The following ACACA variants were observed in gnomAD, a reference collection of about 807,000 sequenced individuals.
ACACA encodes acetyl-CoA carboxylase alpha, also known as acetyl-CoA carboxylase 1.
ACACA carries 103 observed loss-of-function variants against 296.1 expected under a neutral mutation model. That is an observed-to-expected ratio of 0.35 (90% CI 0.30 to 0.41). The LOEUF (loss-of-function observed/expected upper bound fraction) is 0.41. Ranked by LOEUF, ACACA falls within the 10% of genes least tolerant of loss-of-function variation. The pLI is 1.00. For synonymous variants in ACACA, 953 were observed against 1,038.6 expected, an observed-to-expected ratio of 0.92 and a Z score of 1.58; for missense variants, 1,554 against 2,989.7, an observed-to-expected ratio of 0.52 and a Z score of 11.20.
chr17:37,262,277 G>A lies in ACACA; in HGVS notation c.1329+1408C>T, dbSNP rs137906700. Among the ~76,000 whole-genome samples, 412 of 152,272 alleles carry A rather than the reference G, an allele frequency of 2.7e-3. 2 individuals carry two copies. Among genetic ancestry groups the A allele is most frequent in the Middle Eastern group, 0.01 (3 of 294 alleles). On this transcript the variant is annotated intron_variant, in intron 11 of 55. Transcript: ENST00000616317. The stretch of plus-strand genomic sequence containing the variant: ...AACATCCTTTGTGCTAGGTATAATT[G>A]TGTAACTGAATTTTGTCCAGTGGAA...
chr17:37,259,974 C>T (rs562099003), intron 11 of ACACA, among the ~76,000 whole-genome samples: 6 of 150,872 alleles, frequency 4.0e-5, no homozygotes, highest in East Asian at 3.9e-4. Context: ...CTCTGCCTCC[C>T]GGGTTCAAGT....
At chr17:37,119,895 C>T (rs1301599782) in intron 50 of ACACA, among the ~76,000 whole-genome samples, 21 of 134,418 alleles carry the variant, frequency 1.6e-4, no homozygotes, top group African/African-American at 4.9e-4. Context: ...TTCTTTCTTT[C>T]TTTTTTTTTT....
At chr17:37,268,713 ATATCTATCTATCTATC>A (rs1187101546) in intron 10 of ACACA, among the ~76,000 whole-genome samples, 4,179 of 135,440 alleles carry the variant, frequency 0.031, 116 homozygotes, top group African/African-American at 0.055. Flanking sequence ...ATCTATATCT[ATATCTATCTATCTATC>A]TATCTATCTA....
chr17:37,104,140 A>G (rs2073530745), intron 52 of ACACA, among the ~76,000 whole-genome samples: 2 of 152,308 alleles, frequency 1.3e-5, no homozygotes, highest in East Asian at 1.9e-4. Context: ...TGTAAAAAAA[A>G]TCTCGTAATG....
chr17:37,248,500 C>G (rs2080823931), intron 17 of ACACA, 93 bp downstream of exon 17: 1 of 935,984 alleles, frequency 1.1e-6, no homozygotes, highest in African/African-American at 1.6e-5. Context: ...ATACCCCCAT[C>G]CCTGCATTAA....
At chr17:37,087,463 TGAA>T in intron 55 of ACACA, 24 bp from the exon 56 acceptor site, 1 of 1,613,654 alleles carries the variant, frequency 6.2e-7, no homozygotes, top group Non-Finnish European at 8.5e-7. Context: ...TTGAGAATGG[TGAA>T]GAAAAGAGAA....
rs539900615 is a variant in ACACA, at chr17:37,206,648, T to C, written c.3948+135A>G. 5.5e-6 allele frequency: 4 copies of C among 726,122 alleles called. No homozygotes were observed. The East Asian group carries it at 8.1e-5, about 15-fold the overall frequency. The allele number at this position is 726,122 out of a possible 1,614,324, so 45.0% of individuals were successfully genotyped here. Reference sequence around the variant, plus strand: ...TTCCAGAAAATACTTTGGTGAGGCATACAAAATTAAATACTATAAAGTGGG... The same window carrying C: ...TTCCAGAAAATACTTTGGTGAGGCACACAAAATTAAATACTATAAAGTGGG... On this transcript the variant is annotated intron_variant, in intron 32 of 55. Transcript: ENST00000616317.
At chr17:37,135,912 CT>C (rs746761290) in intron 45 of ACACA, among the ~76,000 whole-genome samples, 2,020 of 137,566 alleles carry the variant, frequency 0.015, 27 homozygotes, top group African/African-American at 0.04. Flanking sequence ...AACAGGAATT[CT>C]TTTTTTTTTT....
At chr17:37,289,675 G>T (rs1434540138) in intron 3 of ACACA, 1 of 461,844 alleles carries the variant, frequency 2.2e-6, no homozygotes, top group African/African-American at 2.0e-5. Context: ...ATTACAGCTT[G>T]GCTTTCTCAA....
At chr17:37,199,825 TA>T (rs10562354) in intron 35 of ACACA, among the ~76,000 whole-genome samples, 66 of 147,712 alleles carry the variant, frequency 4.5e-4, no homozygotes, top group South Asian at 6.4e-4. Context: ...ATTATAGGGT[TA>T]AAAAAAAAAA....
chr17:37,274,087 C>A, intron 9 of ACACA, 106 bp downstream of exon 9: 2 of 922,642 alleles, frequency 2.2e-6, no homozygotes, highest in South Asian at 1.3e-5. Flanking sequence ...GTCTTACATC[C>A]CTAACACCAC....
At chr17:37,184,702 A>G (rs1260177317) in intron 39 of ACACA, among the ~76,000 whole-genome samples, 2 of 151,988 alleles carry the variant, frequency 1.3e-5, no homozygotes. Flanking sequence ...TTTAAAAACT[A>G]GCTGGGCATG....
Position 37,260,274 on chromosome 17 carries a change from ATATATATATATATATATATATATTTTTT to A in ACACA, c.1330-772_1330-745del, listed in dbSNP as rs1333082609. Among the ~76,000 whole-genome samples, 10 of 27,842 alleles carry A rather than the reference ATATATATATATATATATATATATTTTTT, an allele frequency of 3.6e-4. 1 individual carries two copies. Among genetic ancestry groups the A allele is most frequent in the African/African-American group, 2.1e-3 (10 of 4,802 alleles). 18.3% of individuals were successfully genotyped at this position (27,842 alleles called of 152,430 possible). ...CATATATATATATATATATATATAT[ATATATATATATATATATATATATTTTTT>A]TTTTTTTTTTTTTTGGAGATGGAGT... On this transcript the variant is annotated intron_variant, in intron 11 of 55. Transcript: ENST00000616317.
chr17:37,383,521 T>A (rs1488174074), intron 1 of ACACA, among the ~76,000 whole-genome samples: 1 of 152,200 alleles, frequency 6.6e-6, no homozygotes, highest in African/African-American at 2.4e-5. Context: ...GATACATTTT[T>A]ATGAAACCAT....
At chr17:37,189,373 T>C (rs1433136906) in intron 38 of ACACA, among the ~76,000 whole-genome samples, 1 of 152,202 alleles carries the variant, frequency 6.6e-6, no homozygotes, top group African/African-American at 2.4e-5. Flanking sequence ...CTTTCTCTTG[T>C]GGTTCTTTAG....
intron 1 of ACACA, chr17:37,388,656 C>T (rs765417408): frequency 6.2e-7 from 1 of 1,610,298 alleles, no homozygotes; most frequent in Admixed American, 1.7e-5. Context: ...CTTCCACTCC[C>T]CTCTCTCCTT....
At chr17:37,091,680 C>T (rs1023298721) in intron 54 of ACACA, among the ~76,000 whole-genome samples, 2 of 151,918 alleles carry the variant, frequency 1.3e-5, no homozygotes, top group African/African-American at 2.4e-5. Context: ...CCTGGGCTCA[C>T]GTGATTCTCC....
intron 3 of ACACA, among the ~76,000 whole-genome samples, chr17:37,313,782 G>A (rs2046956382): frequency 6.6e-6 from 1 of 152,068 alleles, no homozygotes; most frequent in Non-Finnish European, 1.5e-5. Context: ...AACCACTATG[G>A]AGAACAGTAT....
At chr17:37,198,443 C>T (rs1445666272) in intron 35 of ACACA, among the ~76,000 whole-genome samples, 1 of 152,180 alleles carries the variant, frequency 6.6e-6, no homozygotes, top group Non-Finnish European at 1.5e-5. Context: ...AAATCCAGGG[C>T]CTGGCTCTGG....
Sources: gnomAD v4.1 joint callset for allele counts (sites outside exome capture counted in the v4.1 genomes callset) on GRCh38, gnomAD v4.1.1 for gene constraint, MANE v1.5 for transcripts, NCBI Gene and HGNC (gene_info 2026-07-23, HGNC 2026-07-21) for gene names.